The following OTOG variants were observed in gnomAD, a reference collection of about 807,000 sequenced individuals.
The protein encoded by OTOG is otogelin.
In OTOG, 296 loss-of-function variants were observed where a neutral mutation model predicts 313.8. The observed-to-expected ratio is 0.94, with a 90% CI of 0.86 to 1.04. The LOEUF (loss-of-function observed/expected upper bound fraction) is 1.04. OTOG is among the 50% of genes least tolerant of loss of function. The pLI is 0.00. For missense variants in OTOG, 3,948 were observed against 3,840.1 expected (o/e 1.03, Z -0.74); for synonymous variants, 1,533 against 1,554.9 (o/e 0.99, Z 0.33).
intron 49 of OTOG, among the ~76,000 whole-genome samples, chr11:17,639,995 G>A (rs886975079): frequency 2.0e-5 from 3 of 148,432 alleles, no homozygotes; most frequent in Admixed American, 6.7e-5. Flanking sequence ...ATGCAGTGAC[G>A]ATGGTGATGG....
chr11:17,569,325 C>T (rs1852358308), intron 16 of OTOG, 37 bp downstream of exon 16: 1 of 1,549,220 alleles, frequency 6.5e-7, no homozygotes, highest in Admixed American at 2.0e-5. Flanking sequence ...TAGTTGGGAA[C>T]TGAGGGTTTG....
Position 17,559,794 on chromosome 11 carries a change from GGAAAAAAA to G in OTOG, c.1342+136_1342+143del, listed in dbSNP as rs2066770210. The G allele has an allele frequency of 1.6e-5, 12 of 755,482 alleles. No individual in the cohort carries two copies. In the South Asian group the frequency reaches 3.8e-4, roughly 24 times the overall value. 46.8% of individuals were successfully genotyped at this position (755,482 alleles called of 1,614,324 possible). On this transcript the variant is annotated intron_variant, in intron 12 of 55. Transcript: ENST00000399397. ...AAGGAGGGAGGGAGGGAGGGAGGAAGGAAAAAAAGAAGGAAAGAAGGAAGGGAAGAAGG... is the reference window on the plus strand; with the variant it reads ...AAGGAGGGAGGGAGGGAGGGAGGAAGGAAGGAAAGAAGGAAGGGAAGAAGG...
At chr11:17,551,925 G>T in intron 3 of OTOG, 75 bp from the exon 4 acceptor site, 1 of 1,337,332 alleles carries the variant, frequency 7.5e-7, no homozygotes, top group South Asian at 1.3e-5. Context: ...GAGGGCTGTG[G>T]CCACCAGGAA....
In OTOG at chr11:17,596,926, T is replaced by G; in HGVS notation, c.3601T>G (p.Phe1201Val). Residue 1201 changes from phenylalanine to valine, a missense_variant, in exon 30 of 56, where the codon TTC (phenylalanine) becomes GTC (valine). Physicochemically the swap from Phe to Val is conservative, Grantham distance 50. Transcript: ENST00000399397. ...GCSQGGDCEC[F>V]CASVSAYAHQ... ...CAGCCAGGGTGGTGACTGTGAGTGCTTCTGTGCCAGCGTCTCCGCTTATGC... is the reference window on the plus strand; with the variant it reads ...CAGCCAGGGTGGTGACTGTGAGTGCGTCTGTGCCAGCGTCTCCGCTTATGC... 3 of 1,550,864 alleles carry G rather than the reference T, an allele frequency of 1.9e-6. No individual in the cohort carries two copies. The South Asian group carries it at 3.6e-5, about 18-fold the overall frequency.
chr11:17,548,010 G>A (rs911289624), intron 2 of OTOG, 23 bp downstream of exon 2: 97 of 878,438 alleles, frequency 1.1e-4, no homozygotes, highest in Non-Finnish European at 1.5e-4. Flanking sequence ...GAGCTGTGGC[G>A]GCCCCACCCA....
chr11:17,605,859 C>G lies in OTOG; in HGVS notation c.3880C>G (p.Pro1294Ala). 6.5e-7 allele frequency: 1 copy of G among 1,540,424 alleles called. No individual in the cohort carries two copies. Among genetic ancestry groups the G allele is most frequent in the Non-Finnish European group, 8.8e-7 (1 of 1,140,528 alleles). Residue 1294 changes from proline to alanine, a missense_variant and splice_region_variant, in exon 33 of 56, where the codon CCA (proline) becomes GCA (alanine). Pro to Ala is a conservative substitution (Grantham distance 27, BLOSUM62 -1). Coordinates refer to ENST00000399397, the MANE Select transcript of OTOG (RefSeq NM_001292063.2). ...AALYKAKAHD[P>A]DVVSLEAADR... ...TCTCCCCATGTGGTTCTCTGCAGAC[C>G]CAGATGTGGTGTCCCTGGAGGCAGC...
intron 21 of OTOG, 59 bp downstream of exon 21, chr11:17,576,689 A>T (rs1852535335): frequency 6.7e-7 from 1 of 1,487,850 alleles, no homozygotes; most frequent in Non-Finnish European, 9.2e-7. Context: ...TGCTGACTGA[A>T]GACAGTGCAG....
At chr11:17,587,958 C>A (rs138993260) in intron 24 of OTOG, among the ~76,000 whole-genome samples, 1 of 152,178 alleles carries the variant, frequency 6.6e-6, no homozygotes, top group Admixed American at 6.5e-5. Context: ...GCACCCTCAC[C>A]CTCAGGCAGG....
In OTOG at chr11:17,570,302, C is replaced by T. The variant is rs370219387; in HGVS notation, c.1867C>T (p.Arg623Ter). The T allele has an allele frequency of 1.1e-5, 17 of 1,550,626 alleles. No homozygotes were observed. Among genetic ancestry groups the T allele is most frequent in the East Asian group, 9.8e-5 (4 of 40,930 alleles). Residue 623 changes from arginine (R) to a stop codon, truncating the protein, a stop_gained, in exon 17 of 56, where the codon CGA becomes TGA. Transcript: ENST00000399397. LOFTEE classifies it high-confidence loss of function. ...GGTGCTCTACGACCGTGAAGGGCTC[C>T]GACTGTACCTGCAAGTGGACCAGCG... ...VRVLYDREGL[R>*]LYLQVDQRWV...
chr11:17,641,844 T>C lies in OTOG; in HGVS notation c.8191-3T>C, dbSNP rs923636978. Reference sequence around the variant, plus strand: ...CTGAGGCCCACCCCGCCCTGGCCTGTAGAACCAGGAGTACGAGCACCCGCG... The same window carrying C: ...CTGAGGCCCACCCCGCCCTGGCCTGCAGAACCAGGAGTACGAGCACCCGCG... On this transcript the variant is annotated splice_polypyrimidine_tract_variant and splice_region_variant and intron_variant, in intron 51 of 55. Transcript: ENST00000399397. The C allele has an allele frequency of 6.5e-7, 1 of 1,548,376 alleles. No homozygotes were observed. Among genetic ancestry groups the C allele is most frequent in the African/African-American group, 1.4e-5 (1 of 73,106 alleles).
rs1853574371 is a variant in OTOG, at chr11:17,612,227, G to A, written c.6189G>A (p.Gln2063=). Residue 2063 remains glutamine (Q), a synonymous_variant, in exon 37 of 56, where the codon CAG becomes CAA. Transcript: ENST00000399397. ...AGGGCCAGCTGATTCGCGTGAATCAGTCCCAGCACTGTCCCCAGGGTGCTG... is the reference window on the plus strand; with the variant it reads ...AGGGCCAGCTGATTCGCGTGAATCAATCCCAGCACTGTCCCCAGGGTGCTG... ...CLEGQLIRVN[Q]SQHCPQGAAP... is the part of the protein sequence containing the mutation. 6.5e-7 allele frequency: 1 copy of A among 1,548,994 alleles called. No individual in the cohort carries two copies. Among genetic ancestry groups the A allele is most frequent in the Non-Finnish European group, 8.7e-7 (1 of 1,147,000 alleles).
chr11:17,612,651 C>T lies in OTOG; in HGVS notation c.6324C>T (p.Phe2108=), dbSNP rs550175629. ...GCTCAATCTTCCCTGACCTGAGCTT[C>T]GTGACCTTCGATGGGAGCCACGTAG... ...CRCSIFPDLS[F]VTFDGSHVAL... is the part of the protein sequence containing the mutation. The change falls in exon 38 of 56, where the codon TTC becomes TTT. Residue 2108 remains phenylalanine, a synonymous_variant. Transcript: ENST00000399397. The T allele has an allele frequency of 1.7e-5, 26 of 1,550,618 alleles. No individual in the cohort carries two copies. In the Middle Eastern group the frequency reaches 5.0e-4, roughly 30 times the overall value.
chr11:17,615,335 C>T (rs1853693456), intron 39 of OTOG, among the ~76,000 whole-genome samples: 1 of 152,130 alleles, frequency 6.6e-6, no homozygotes, highest in Admixed American at 6.5e-5. Flanking sequence ...TTTCGAAAGA[C>T]AGAAGTTTTT....
chr11:17,597,751 A>G (rs1853149779), intron 30 of OTOG, among the ~76,000 whole-genome samples: 1 of 152,238 alleles, frequency 6.6e-6, no homozygotes, highest in Non-Finnish European at 1.5e-5. Context: ...CCCACGCACC[A>G]AAGGATTTTC....
intron 25 of OTOG, among the ~76,000 whole-genome samples, chr11:17,592,382 A>G (rs1375279122): frequency 6.6e-6 from 1 of 152,258 alleles, no homozygotes; most frequent in South Asian, 2.1e-4. Context: ...TAACTCTACA[A>G]GATGAAGATA....
At chr11:17,565,591 G>T (rs1852279810) in intron 15 of OTOG, among the ~76,000 whole-genome samples, 1 of 152,168 alleles carries the variant, frequency 6.6e-6, no homozygotes, top group South Asian at 2.1e-4. Flanking sequence ...TGAAGGCAGA[G>T]AATCTACATG....
intron 15 of OTOG, among the ~76,000 whole-genome samples, chr11:17,565,785 C>T (rs567946467): frequency 6.6e-6 from 1 of 152,252 alleles, no homozygotes; most frequent in African/African-American, 2.4e-5. Flanking sequence ...TCCTGTGTCC[C>T]TTTGACATAC....
chr11:17,561,011 G>A, intron 13 of OTOG, 80 bp from the exon 14 acceptor site: 1 of 1,463,982 alleles, frequency 6.8e-7, no homozygotes, highest in Non-Finnish European at 9.4e-7. Context: ...AAGACTGAGG[G>A]CTGTGGGCCC....
Position 17,602,230 on chromosome 11 carries a change from C to T in OTOG, c.3730C>T (p.Gln1244Ter). 1 of 1,550,480 alleles carries T rather than the reference C, an allele frequency of 6.4e-7. No individual in the cohort carries two copies. Among genetic ancestry groups the T allele is most frequent in the Non-Finnish European group, 8.7e-7 (1 of 1,146,960 alleles). ...TCCAGTGCTAGGTAAGGGCCCCTAT[C>T]AGCTATCCAGCTTGGCAGCCGGTGG... ...FNKVLGKGPY[Q>*]LSSLAAGGAL... Residue 1244 changes from glutamine (Q) to a stop codon, truncating the protein, a stop_gained, in exon 32 of 56, where the codon CAG becomes TAG. Transcript: ENST00000399397. LOFTEE classifies it high-confidence loss of function.
Sources: gnomAD v4.1 joint callset for allele counts (sites outside exome capture counted in the v4.1 genomes callset) on GRCh38, gnomAD v4.1.1 for gene constraint, MANE v1.5 for transcripts, NCBI Gene and HGNC (gene_info 2026-07-23, HGNC 2026-07-21) for gene names.